Variants in KHDRBS2 observed in about 807,000 individuals in gnomAD.
The protein encoded by KHDRBS2 is KH RNA binding domain containing, signal transduction associated 2.
A neutral mutation model predicts 44.3 loss-of-function variants in KHDRBS2; 26 were observed. The ratio of observed to expected loss-of-function variants is 0.59; its 90% confidence interval spans 0.43 to 0.81. The LOEUF (loss-of-function observed/expected upper bound fraction) is 0.81. KHDRBS2 is among the 40% of genes least tolerant of loss of function. The probability of loss-of-function intolerance (pLI) is 0.00; values close to 1 mark genes in which losing one functional copy is unlikely to be tolerated. For missense variants in KHDRBS2, 476 were observed against 433.1 expected (o/e 1.10, Z -0.88); for synonymous variants, 194 against 151.1 (o/e 1.28, Z -2.08).
At chr6:62,260,607 GA>G (rs1838180438) in intron 1 of KHDRBS2, among the ~76,000 whole-genome samples, 1 of 151,892 alleles carries the variant, frequency 6.6e-6, no homozygotes, top group African/African-American at 2.4e-5. Flanking sequence ...TTTAAAAAAA[GA>G]AAACTTCATT....
intron 4 of KHDRBS2, among the ~76,000 whole-genome samples, chr6:61,933,475 G>A (rs1298382665): frequency 3.9e-5 from 6 of 152,116 alleles, no homozygotes; most frequent in African/African-American, 1.2e-4. Context: ...TTGAATATAC[G>A]TTATGCACTG....
chr6:62,244,959 G>T (rs1835302191), intron 1 of KHDRBS2, among the ~76,000 whole-genome samples: 1 of 152,090 alleles, frequency 6.6e-6, no homozygotes, highest in Non-Finnish European at 1.5e-5. Flanking sequence ...TGCAAACCTT[G>T]CTCACACCAA....
intron 6 of KHDRBS2, among the ~76,000 whole-genome samples, chr6:61,880,855 T>A (rs1315344686): frequency 6.6e-6 from 1 of 151,972 alleles, no homozygotes; most frequent in African/African-American, 2.4e-5. Context: ...ATGATTTCTA[T>A]CAATCCTGTT....
At chr6:62,132,567 G>C (rs1290637974) in intron 2 of KHDRBS2, among the ~76,000 whole-genome samples, 4 of 152,136 alleles carry the variant, frequency 2.6e-5, no homozygotes, top group Non-Finnish European at 5.9e-5. Flanking sequence ...CAGCTACCAT[G>C]GTTGAAGCCT....
intron 6 of KHDRBS2, among the ~76,000 whole-genome samples, chr6:61,794,169 A>G (rs746700012): frequency 3.3e-5 from 5 of 152,172 alleles, no homozygotes; most frequent in East Asian, 1.9e-4. Context: ...TAAAAGCTCA[A>G]TTTACTGAGC....
intron 6 of KHDRBS2, among the ~76,000 whole-genome samples, chr6:61,770,100 C>T (rs1232334648): frequency 1.3e-5 from 2 of 152,184 alleles, no homozygotes; most frequent in African/African-American, 2.4e-5. Context: ...CTCTGGCAAA[C>T]TCCAACAGAC....
intron 1 of KHDRBS2, among the ~76,000 whole-genome samples, chr6:62,221,969 A>G (rs1830976032): frequency 6.6e-6 from 1 of 152,210 alleles, no homozygotes; most frequent in South Asian, 2.1e-4. Flanking sequence ...CTATAATACA[A>G]TTAAGTCCTA....
In KHDRBS2 at chr6:61,769,853, C is replaced by G. The variant is rs6928701; in HGVS notation, c.811-37089G>C. Among the ~76,000 whole-genome samples, 670 of 152,286 alleles carry G rather than the reference C, an allele frequency of 4.4e-3. 9 individuals are homozygous for G. The highest frequency in any genetic ancestry group is 0.015 in the African/African-American group (643 of 41,564). Reference sequence around the variant, plus strand: ...GAAGAGAGTAGTGGTTCTCCCAGCACGCAGCTTGAGATCTGAGAATGGGCA... The same window carrying G: ...GAAGAGAGTAGTGGTTCTCCCAGCAGGCAGCTTGAGATCTGAGAATGGGCA... On this transcript the variant is annotated intron_variant, in intron 6 of 8. Coordinates refer to ENST00000281156, the MANE Select transcript of KHDRBS2 (RefSeq NM_152688.4).
the KHDRBS2 span, among the ~76,000 whole-genome samples, chr6:61,601,929 G>C: frequency 1.3e-5 from 2 of 152,114 alleles, no homozygotes; most frequent in Non-Finnish European, 2.9e-5. Context: ...GCATAGTCAA[G>C]GTTAATGCTC....
chr6:61,745,284 T>G (rs1217023875), intron 6 of KHDRBS2, among the ~76,000 whole-genome samples: 1 of 152,152 alleles, frequency 6.6e-6, no homozygotes, highest in East Asian at 1.9e-4. Flanking sequence ...AACTTTGTAT[T>G]TTTTGAAAAT....
chr6:61,998,724 C>T (rs73483208), intron 3 of KHDRBS2, among the ~76,000 whole-genome samples: 5,174 of 152,040 alleles, frequency 0.034, 297 homozygotes, highest in African/African-American at 0.12. Flanking sequence ...AAAAGGTCAC[C>T]TTGGCTAGAA....
chr6:62,253,483 C>T lies in KHDRBS2; in HGVS notation c.91+32375G>A, dbSNP rs115485094. 4.9e-3 allele frequency among the ~76,000 whole-genome samples: 743 copies of T among 151,936 alleles called. 6 individuals carry two copies. Among genetic ancestry groups the T allele is most frequent in the African/African-American group, 0.016 (684 of 41,492 alleles). On this transcript the variant is annotated intron_variant, in intron 1 of 8. Transcript: ENST00000281156. ...CTCTCTGTCTCTATTCCCCCTGCAA[C>T]CCTGCCTCCTCCTCTTTGGCCTTTT...
chr6:61,621,687 T>C, the KHDRBS2 span, among the ~76,000 whole-genome samples: 52 of 152,354 alleles, frequency 3.4e-4, no homozygotes, highest in African/African-American at 1.2e-3. Flanking sequence ...CGTTCTTGTA[T>C]AATTCCTTCT....
the KHDRBS2 span, among the ~76,000 whole-genome samples, chr6:61,643,249 A>G: frequency 3.3e-5 from 5 of 152,198 alleles, no homozygotes; most frequent in East Asian, 9.6e-4. Context: ...ATTTTTTATG[A>G]TAAAATTTAG....
chr6:61,633,903 A>G, the KHDRBS2 span, among the ~76,000 whole-genome samples: 1 of 152,064 alleles, frequency 6.6e-6, no homozygotes, highest in African/African-American at 2.4e-5. Context: ...CATTTGTATC[A>G]TTTAAGTTTT....
intron 3 of KHDRBS2, among the ~76,000 whole-genome samples, chr6:62,016,327 A>C (rs1273501257): frequency 6.6e-6 from 1 of 151,946 alleles, no homozygotes. Context: ...CAGAAAATTT[A>C]CTTCTAGTCA....
At chr6:61,839,563 G>A (rs1459934291) in intron 6 of KHDRBS2, among the ~76,000 whole-genome samples, 1 of 152,060 alleles carries the variant, frequency 6.6e-6, no homozygotes, top group African/African-American at 2.4e-5. Context: ...CTTTGGACAA[G>A]TTAATAAACT....
intron 6 of KHDRBS2, among the ~76,000 whole-genome samples, chr6:61,879,304 T>C (rs1799887224): frequency 6.6e-6 from 1 of 151,964 alleles, no homozygotes; most frequent in African/African-American, 2.4e-5. Context: ...CAATGAAGTC[T>C]GGAGTTCACT....
chr6:61,886,583 G>A (rs947181934), intron 6 of KHDRBS2, among the ~76,000 whole-genome samples: 31 of 151,974 alleles, frequency 2.0e-4, no homozygotes, highest in African/African-American at 5.8e-4. Context: ...ATATGTGTTC[G>A]TGTGCATATG....
Sources: allele counts gnomAD v4.1 joint callset (sites outside exome capture counted in the v4.1 genomes callset), GRCh38; gene constraint gnomAD v4.1.1; transcripts MANE v1.5; gene names NCBI Gene and HGNC (gene_info 2026-07-23, HGNC 2026-07-21).